Variants in HS6ST3 observed in about 807,000 individuals in gnomAD.
HS6ST3 encodes the protein heparan sulfate 6-O-sulfotransferase 3, also known as heparan-sulfate 6-O-sulfotransferase 3.
HS6ST3 carries 12 observed loss-of-function variants against 36.7 expected under a neutral mutation model. The ratio of observed to expected loss-of-function variants is 0.33; its 90% confidence interval spans 0.21 to 0.53. HS6ST3 has a LOEUF of 0.53. Ranked by LOEUF, HS6ST3 falls within the 20% of genes least tolerant of loss-of-function variation. The pLI, the probability that HS6ST3 is intolerant of heterozygous loss-of-function variation, is 0.95. For missense variants in HS6ST3, 584 were observed against 640.9 expected, an observed-to-expected ratio of 0.91 and a Z score of 0.96; for synonymous variants, 240 against 257.5, an observed-to-expected ratio of 0.93 and a Z score of 0.65.
chr13:96,477,905 A>G (rs1395033945), intron 1 of HS6ST3, among the ~76,000 whole-genome samples: 1 of 151,844 alleles, frequency 6.6e-6, no homozygotes, highest in East Asian at 1.9e-4. Context: ...ATAATAATAT[A>G]TTGTATTACC....
At chr13:96,112,578 A>AATATAC (rs397773858) in intron 1 of HS6ST3, among the ~76,000 whole-genome samples, 3,053 of 81,092 alleles carry the variant, frequency 0.038, 754 homozygotes, top group East Asian at 0.077. Context: ...AAAATAAATA[A>AATATAC]ATATATATAT....
chr13:96,237,346 T>C (rs1332869745), intron 1 of HS6ST3, among the ~76,000 whole-genome samples: 1 of 151,952 alleles, frequency 6.6e-6, no homozygotes, highest in Non-Finnish European at 1.5e-5. Context: ...AGGGAAAATA[T>C]CCCTCCTCTT....
chr13:96,463,979 T>C (rs1353526897), intron 1 of HS6ST3, among the ~76,000 whole-genome samples: 1 of 149,382 alleles, frequency 6.7e-6, no homozygotes, highest in Non-Finnish European at 1.5e-5. Flanking sequence ...TAAACATTCA[T>C]ATACTACCAT....
intron 1 of HS6ST3, among the ~76,000 whole-genome samples, chr13:96,461,021 G>A (rs751973388): frequency 1.2e-4 from 19 of 152,220 alleles, no homozygotes; most frequent in Non-Finnish European, 2.1e-4. Flanking sequence ...TACAAAATGG[G>A]AGATACACCC....
chr13:96,769,431 T>G (rs923617193), intron 1 of HS6ST3, among the ~76,000 whole-genome samples: 12 of 141,454 alleles, frequency 8.5e-5, no homozygotes, highest in Non-Finnish European at 1.9e-4. Flanking sequence ...TATCTCCCAA[T>G]GCTATCCCTC....
At chr13:96,323,773 A>G (rs886110815) in intron 1 of HS6ST3, among the ~76,000 whole-genome samples, 5 of 152,186 alleles carry the variant, frequency 3.3e-5, no homozygotes, top group Admixed American at 6.5e-5. Context: ...TTGTGCAACA[A>G]TTATAACCAT....
At chr13:96,399,315 C>A (rs1251173613) in intron 1 of HS6ST3, among the ~76,000 whole-genome samples, 1 of 152,042 alleles carries the variant, frequency 6.6e-6, no homozygotes, top group Non-Finnish European at 1.5e-5. Flanking sequence ...ATAAAACAGA[C>A]CCTTTTAGAC....
chr13:96,104,176 T>C (rs1452752105), intron 1 of HS6ST3, among the ~76,000 whole-genome samples: 1 of 152,200 alleles, frequency 6.6e-6, no homozygotes, highest in Non-Finnish European at 1.5e-5. Context: ...TCATACTTGG[T>C]TTTGCAGTTA....
chr13:96,617,962 C>G (rs2056480448), intron 1 of HS6ST3, among the ~76,000 whole-genome samples: 1 of 152,202 alleles, frequency 6.6e-6, no homozygotes, highest in African/African-American at 2.4e-5. Context: ...CCAGGTAACA[C>G]AACTCAAATC....
Position 96,601,566 on chromosome 13 carries a change from T to C in HS6ST3, c.708-230924T>C, listed in dbSNP as rs1446945387. ...GGTTTTAACTTTCTCTTGGATCTCA[T>C]TGAGCAAATTAATAATATGCATTTT... On this transcript the variant is annotated intron_variant, in intron 1 of 1. Transcript: ENST00000376705. Among the ~76,000 whole-genome samples the C allele has an allele frequency of 3.9e-5, 6 of 152,172 alleles. 1 individual carries two copies. The highest frequency in any genetic ancestry group is 6.3e-3 in the Middle Eastern group (2 of 316).
At chr13:96,588,361 T>C (rs770752417) in intron 1 of HS6ST3, among the ~76,000 whole-genome samples, 3 of 152,172 alleles carry the variant, frequency 2.0e-5, no homozygotes, top group Non-Finnish European at 4.4e-5. Flanking sequence ...AATGTTAGCT[T>C]TGGGTTTGTC....
At chr13:96,652,357 C>A (rs1189678381) in intron 1 of HS6ST3, among the ~76,000 whole-genome samples, 1 of 151,746 alleles carries the variant, frequency 6.6e-6, no homozygotes, top group Non-Finnish European at 1.5e-5. Flanking sequence ...CCCCATTTTT[C>A]TTTTCCTTTC....
chr13:96,724,421 A>G (rs913012040), intron 1 of HS6ST3, among the ~76,000 whole-genome samples: 1 of 152,204 alleles, frequency 6.6e-6, no homozygotes, highest in Admixed American at 6.5e-5. Context: ...AAATATTAAC[A>G]TATGTGTGCA....
At chr13:96,725,647 A>C (rs1334751848) in intron 1 of HS6ST3, among the ~76,000 whole-genome samples, 2 of 151,874 alleles carry the variant, frequency 1.3e-5, no homozygotes, top group Non-Finnish European at 2.9e-5. Flanking sequence ...TTTTGTTGAG[A>C]ACACAGTTTT....
intron 1 of HS6ST3, among the ~76,000 whole-genome samples, chr13:96,520,409 G>C (rs1175589760): frequency 6.6e-6 from 1 of 152,318 alleles, no homozygotes; most frequent in South Asian, 2.1e-4. Flanking sequence ...GTGGTAGCTT[G>C]ATGGGAATAT....
chr13:96,180,155 T>C (rs571255756), intron 1 of HS6ST3, among the ~76,000 whole-genome samples: 2 of 152,214 alleles, frequency 1.3e-5, no homozygotes, highest in East Asian at 3.9e-4. Flanking sequence ...GCTTTTAGGA[T>C]GCAATTGTGT....
chr13:96,309,315 C>G (rs74904615), intron 1 of HS6ST3, among the ~76,000 whole-genome samples: 2,027 of 152,150 alleles, frequency 0.013, 44 homozygotes, highest in African/African-American at 0.047. Context: ...TAGGTACTGT[C>G]TAATTGAATG....
At chr13:96,332,411 T>A (rs1218363547) in intron 1 of HS6ST3, among the ~76,000 whole-genome samples, 1 of 152,230 alleles carries the variant, frequency 6.6e-6, no homozygotes, top group Admixed American at 6.5e-5. Flanking sequence ...TATCTTTTTA[T>A]TTTCAGCATC....
intron 1 of HS6ST3, among the ~76,000 whole-genome samples, chr13:96,367,291 A>C (rs992812124): frequency 1.3e-5 from 2 of 152,244 alleles, no homozygotes; most frequent in Non-Finnish European, 2.9e-5. Context: ...TTTCTAGGCA[A>C]TGGTGACATT....
Sources: allele counts gnomAD v4.1 joint callset (sites outside exome capture counted in the v4.1 genomes callset), GRCh38; gene constraint gnomAD v4.1.1; transcripts MANE v1.5; gene names NCBI Gene and HGNC (gene_info 2026-07-23, HGNC 2026-07-21).